The following MYOZ2 variants were observed in gnomAD, a reference collection of about 807,000 sequenced individuals.
MYOZ2 encodes myozenin 2, also known as myozenin-2.
MYOZ2 carries 19 observed loss-of-function variants against 25.4 expected under a neutral mutation model. The ratio of observed to expected loss-of-function variants is 0.75; its 90% confidence interval spans 0.52 to 1.10. The LOEUF is 1.10. MYOZ2 is among the 50% of genes least tolerant of loss of function. The pLI is 0.00. For synonymous variants in MYOZ2, 92 were observed against 106.9 expected, an observed-to-expected ratio of 0.86 and a Z score of 0.86; for missense variants, 270 against 317.9, an observed-to-expected ratio of 0.85 and a Z score of 1.15.
intron 5 of MYOZ2, among the ~76,000 whole-genome samples, chr4:119,170,964 T>C (rs545925923): frequency 6.6e-6 from 1 of 152,256 alleles, no homozygotes; most frequent in East Asian, 1.9e-4. Context: ...AATAAGACAG[T>C]TGATTTTCCA....
At position 119,147,771 on chromosome 4, in the gene MYOZ2, C is replaced by G. The variant is rs557996444; in HGVS notation, c.77-3101C>G. On this transcript the variant is annotated intron_variant, in intron 2 of 5. Coordinates refer to ENST00000307128, the MANE Select transcript of MYOZ2 (RefSeq NM_016599.5). ...AAAAAAAAAAAATCTACTTTGATGTCTTTTTATCCTCTCCTGTTTATAAAA... is the reference window on the plus strand; with the variant it reads ...AAAAAAAAAAAATCTACTTTGATGTGTTTTTATCCTCTCCTGTTTATAAAA... 1.9e-4 allele frequency among the ~76,000 whole-genome samples: 28 copies of G among 144,932 alleles called. No homozygotes were observed. In the South Asian group the frequency reaches 6.1e-3, roughly 31 times the overall value.
At chr4:119,168,710 C>CAACA (rs1338062108) in intron 5 of MYOZ2, among the ~76,000 whole-genome samples, 1 of 150,316 alleles carries the variant, frequency 6.7e-6, no homozygotes, top group African/African-American at 2.5e-5. Flanking sequence ...ACAACAACAA[C>CAACA]AAAAAACCAC....
chr4:119,186,052 A>T lies in MYOZ2; in HGVS notation c.647A>T (p.Asp216Val). 1 of 1,614,056 alleles carries T rather than the reference A, an allele frequency of 6.2e-7. No individual in the cohort carries two copies. The highest frequency in any genetic ancestry group is 8.5e-7 in the Non-Finnish European group (1 of 1,179,982). Residue 216 changes from aspartate to valine, a missense_variant, in exon 6 of 6, where the codon GAT becomes GTT. Transcript: ENST00000307128. ...VPDFELLLLT[D>V]PRFMSFVNPL... Reference sequence around the variant, plus strand: ...GATTTTGAGCTACTATTGCTAACAGATCCCAGGTTTATGTCCTTTGTCAAT... The same window carrying T: ...GATTTTGAGCTACTATTGCTAACAGTTCCCAGGTTTATGTCCTTTGTCAAT...
At chr4:119,169,929 T>C (rs544537078) in intron 5 of MYOZ2, among the ~76,000 whole-genome samples, 12 of 152,282 alleles carry the variant, frequency 7.9e-5, no homozygotes, top group Admixed American at 3.3e-4. Context: ...AGAAAGAAGA[T>C]GACATCTCTT....
intron 4 of MYOZ2, among the ~76,000 whole-genome samples, chr4:119,162,668 A>G (rs1219667429): frequency 1.3e-5 from 2 of 152,216 alleles, no homozygotes; most frequent in African/African-American, 4.8e-5. Flanking sequence ...GGAGGATCCT[A>G]TTATCTACAT....
intron 2 of MYOZ2, 126 bp downstream of exon 2, chr4:119,136,727 A>G: frequency 1.0e-6 from 1 of 985,170 alleles, no homozygotes; most frequent in Non-Finnish European, 1.6e-6. Context: ...ACAAACCTGG[A>G]GCTCTAGGGG....
At chr4:119,164,765 C>T (rs1048031569) in intron 5 of MYOZ2, among the ~76,000 whole-genome samples, 1 of 152,106 alleles carries the variant, frequency 6.6e-6, no homozygotes, top group East Asian at 1.9e-4. Context: ...AAATAATTCA[C>T]ATGCAAGGCT....
intron 5 of MYOZ2, among the ~76,000 whole-genome samples, chr4:119,171,600 C>T (rs1048269683): frequency 4.6e-5 from 7 of 151,258 alleles, no homozygotes; most frequent in Non-Finnish European, 8.9e-5. Context: ...TTATTATTTT[C>T]CCTATTGTAG....
At chr4:119,177,888 C>G (rs1247108669) in intron 5 of MYOZ2, among the ~76,000 whole-genome samples, 3 of 152,166 alleles carry the variant, frequency 2.0e-5, no homozygotes, top group African/African-American at 7.2e-5. Context: ...ATAAAAATAT[C>G]TTTTCCCCAG....
intron 2 of MYOZ2, among the ~76,000 whole-genome samples, chr4:119,138,946 A>T (rs1043095393): frequency 6.6e-6 from 1 of 152,200 alleles, no homozygotes; most frequent in Non-Finnish European, 1.5e-5. Flanking sequence ...GGAGTTTTAC[A>T]TCAGAGCCCT....
At chr4:119,153,311 G>A (rs183084754) in intron 3 of MYOZ2, among the ~76,000 whole-genome samples, 2 of 152,166 alleles carry the variant, frequency 1.3e-5, no homozygotes, top group African/African-American at 4.8e-5. Context: ...AATATTATTA[G>A]ACTCAGGTCT....
chr4:119,154,461 G>A (rs1186907063), intron 3 of MYOZ2, among the ~76,000 whole-genome samples: 1 of 152,060 alleles, frequency 6.6e-6, no homozygotes, highest in Admixed American at 6.6e-5. Flanking sequence ...TTTTCTTAAC[G>A]ATGATGTAGA....
At chr4:119,177,417 C>A (rs1386169069) in intron 5 of MYOZ2, among the ~76,000 whole-genome samples, 1 of 152,168 alleles carries the variant, frequency 6.6e-6, no homozygotes, top group Non-Finnish European at 1.5e-5. Context: ...CATTCTCTAG[C>A]AAATTCGGTC....
chr4:119,179,308 T>C (rs1041337648), intron 5 of MYOZ2, among the ~76,000 whole-genome samples: 1 of 152,232 alleles, frequency 6.6e-6, no homozygotes, highest in Non-Finnish European at 1.5e-5. Context: ...AGGCCTGAAA[T>C]GCTTTCCTCA....
At chr4:119,151,291 T>C (rs1741445531) in intron 3 of MYOZ2, among the ~76,000 whole-genome samples, 1 of 152,156 alleles carries the variant, frequency 6.6e-6, no homozygotes, top group African/African-American at 2.4e-5. Context: ...ACTTGTCTGT[T>C]CCACTAAGAG....
chr4:119,142,177 C>A (rs1666097799), intron 2 of MYOZ2, among the ~76,000 whole-genome samples: 1 of 152,098 alleles, frequency 6.6e-6, no homozygotes, highest in Non-Finnish European at 1.5e-5. Context: ...AATGCTTCCA[C>A]CATGGCCAAA....
intron 5 of MYOZ2, among the ~76,000 whole-genome samples, chr4:119,182,051 C>G (rs1338592605): frequency 6.8e-6 from 1 of 146,442 alleles, no homozygotes; most frequent in African/African-American, 2.8e-5. Context: ...TATTCAGAAG[C>G]TTTTGGGATT....
At chr4:119,165,457 G>A (rs1469605630) in intron 5 of MYOZ2, among the ~76,000 whole-genome samples, 1 of 151,974 alleles carries the variant, frequency 6.6e-6, no homozygotes, top group Non-Finnish European at 1.5e-5. Flanking sequence ...GTTGCAGTGA[G>A]CTGAAATCAT....
chr4:119,178,736 AG>A (rs1269044486), intron 5 of MYOZ2, among the ~76,000 whole-genome samples: 1 of 152,136 alleles, frequency 6.6e-6, no homozygotes, highest in Non-Finnish European at 1.5e-5. Context: ...CCTCCCGAGT[AG>A]GTGGGACTAC....
Sources: allele counts gnomAD v4.1 joint callset (sites outside exome capture counted in the v4.1 genomes callset), GRCh38; gene constraint gnomAD v4.1.1; transcripts MANE v1.5; gene names NCBI Gene and HGNC (gene_info 2026-07-23, HGNC 2026-07-21).